Variants in FRMPD4 observed in about 807,000 individuals in gnomAD.
The protein encoded by FRMPD4 is FERM and PDZ domain-containing protein 4.
A neutral mutation model predicts 94.1 loss-of-function variants in FRMPD4; 22 were observed. The ratio of observed to expected loss-of-function variants is 0.23; its 90% confidence interval spans 0.17 to 0.33. The LOEUF (loss-of-function observed/expected upper bound fraction) is 0.33. Ranked by LOEUF, FRMPD4 falls within the 10% of genes least tolerant of loss-of-function variation. The probability of loss-of-function intolerance (pLI) is 1.00; values close to 1 mark genes in which losing one functional copy is unlikely to be tolerated. For missense variants in FRMPD4, 1,111 were observed against 1,339.9 expected (o/e 0.83, Z 2.67); for synonymous variants, 631 against 548.6 (o/e 1.15, Z -2.10).
At chrX:12,555,957 G>A (rs1457350452) in intron 2 of FRMPD4, among the ~76,000 whole-genome samples, 3 of 110,787 alleles carry the variant, frequency 2.7e-5, no homozygotes, top group Non-Finnish European at 5.7e-5. Flanking sequence ...CCAGGTTGGA[G>A]TGCATTGGTT....
intron 1 of FRMPD4, among the ~76,000 whole-genome samples, chrX:11,827,229 T>G (rs1349669909): frequency 9.3e-6 from 1 of 107,736 alleles, no homozygotes; most frequent in Non-Finnish European, 1.9e-5. Flanking sequence ...TTATATCATA[T>G]ATATGGTATA....
At chrX:11,923,678 T>A (rs776921420) in intron 3 of FRMPD4, among the ~76,000 whole-genome samples, 1 of 112,283 alleles carries the variant, frequency 8.9e-6, no homozygotes, top group Admixed American at 9.4e-5. Flanking sequence ...CCTTGACCTC[T>A]AAAATCTCCC....
intron 3 of FRMPD4, among the ~76,000 whole-genome samples, chrX:12,046,988 A>G (rs1187624963): frequency 9.0e-6 from 1 of 111,318 alleles, no homozygotes; most frequent in Non-Finnish European, 1.9e-5. Context: ...AACTTTGGAT[A>G]TCCCAAAGGT....
intron 3 of FRMPD4, among the ~76,000 whole-genome samples, chrX:11,887,315 G>A (rs763163047): frequency 9.0e-6 from 1 of 111,548 alleles, no homozygotes; most frequent in African/African-American, 3.3e-5. Context: ...AGGAGCCCCA[G>A]GTCAGGGAGA....
At chrX:12,467,287 T>C (rs2057459492) in intron 1 of FRMPD4, among the ~76,000 whole-genome samples, 1 of 111,619 alleles carries the variant, frequency 9.0e-6, no homozygotes, top group South Asian at 3.8e-4. Context: ...TCAGGTCAAC[T>C]TGTGCTATGC....
intron 1 of FRMPD4, among the ~76,000 whole-genome samples, chrX:12,265,090 A>G (rs182035684): frequency 1.6e-3 from 180 of 112,241 alleles, no homozygotes; most frequent in Non-Finnish European, 2.6e-3. Flanking sequence ...TCAGCCTGTA[A>G]TCAAAGACAA....
At chrX:12,050,065 T>C (rs1296504631) in intron 3 of FRMPD4, among the ~76,000 whole-genome samples, 2 of 111,595 alleles carry the variant, frequency 1.8e-5, no homozygotes, top group Non-Finnish European at 3.8e-5. Flanking sequence ...GCTAAGGTTC[T>C]AAGGTTAATT....
At chrX:12,667,503 A>G (rs1317621630) in intron 4 of FRMPD4, among the ~76,000 whole-genome samples, 2 of 112,308 alleles carry the variant, frequency 1.8e-5, no homozygotes, top group Non-Finnish European at 3.8e-5. Flanking sequence ...ATAATTTTTA[A>G]ATGGTATAAA....
chrX:12,454,146 A>C (rs1422007661), intron 1 of FRMPD4, among the ~76,000 whole-genome samples: 1 of 112,333 alleles, frequency 8.9e-6, no homozygotes, highest in Non-Finnish European at 1.9e-5. Flanking sequence ...GTTGGTCTTC[A>C]GATTCATAAG....
chrX:12,493,003 C>G (rs1287293441), intron 1 of FRMPD4, among the ~76,000 whole-genome samples: 2 of 111,374 alleles, frequency 1.8e-5, no homozygotes, highest in Non-Finnish European at 3.8e-5. Flanking sequence ...CTGTACAGGA[C>G]AGTTTCTCCC....
At chrX:12,206,880 A>G (rs2056698501) in intron 1 of FRMPD4, among the ~76,000 whole-genome samples, 1 of 112,350 alleles carries the variant, frequency 8.9e-6, no homozygotes, top group East Asian at 2.8e-4. Context: ...TCACAACTAG[A>G]ACTTTTGACT....
intron 1 of FRMPD4, among the ~76,000 whole-genome samples, chrX:12,422,291 A>G (rs974514785): frequency 3.6e-5 from 4 of 112,306 alleles, no homozygotes; most frequent in African/African-American, 1.3e-4. Flanking sequence ...AGAAACAGAT[A>G]TCGTGTAGGA....
intron 1 of FRMPD4, among the ~76,000 whole-genome samples, chrX:12,243,983 A>T (rs2053919454): frequency 3.7e-5 from 4 of 107,464 alleles, no homozygotes; most frequent in Admixed American, 1.0e-4. Context: ...TTTTGTAGAG[A>T]TGGTATCTTG....
chrX:12,310,240 C>T (rs1372455505), intron 1 of FRMPD4, among the ~76,000 whole-genome samples: 2 of 108,165 alleles, frequency 1.8e-5, no homozygotes, highest in Non-Finnish European at 3.8e-5. Flanking sequence ...GCAAGGTGCT[C>T]AGTGGGGGAG....
At chrX:12,119,086 T>C (rs2055434275) in intron 3 of FRMPD4, among the ~76,000 whole-genome samples, 1 of 110,952 alleles carries the variant, frequency 9.0e-6, no homozygotes, top group Non-Finnish European at 1.9e-5. Flanking sequence ...CGCTTTACCT[T>C]AGGCCAAGTG....
chrX:12,693,778 C>A (rs2060100453), intron 8 of FRMPD4, among the ~76,000 whole-genome samples: 1 of 112,104 alleles, frequency 8.9e-6, no homozygotes, highest in Admixed American at 9.4e-5. Context: ...CCTTTTTGTA[C>A]TCCCCAACAT....
chrX:12,610,450 TAAG>T (rs1013444633), intron 3 of FRMPD4, among the ~76,000 whole-genome samples: 5 of 112,856 alleles, frequency 4.4e-5, no homozygotes, highest in Non-Finnish European at 7.5e-5. Flanking sequence ...GCCATGGCTA[TAAG>T]AAGAGAGTTT....
intron 1 of FRMPD4, among the ~76,000 whole-genome samples, chrX:12,152,548 T>C (rs2055869048): frequency 9.0e-6 from 1 of 111,633 alleles, no homozygotes; most frequent in African/African-American, 3.3e-5. Flanking sequence ...TAAAATGTGA[T>C]AAAATGTTGA....
At chrX:12,160,315 A>G (rs1046867671) in intron 1 of FRMPD4, among the ~76,000 whole-genome samples, 2 of 111,868 alleles carry the variant, frequency 1.8e-5, no homozygotes, top group African/African-American at 6.5e-5. Context: ...TGGATAGTGC[A>G]AGTGGTTACA....
Sources: allele counts gnomAD v4.1 joint callset (sites outside exome capture counted in the v4.1 genomes callset), GRCh38; gene constraint gnomAD v4.1.1; transcripts MANE v1.5; gene names NCBI Gene and HGNC (gene_info 2026-07-23, HGNC 2026-07-21).